The following PCDH9 variants were observed in gnomAD, a reference collection of about 807,000 sequenced individuals.
PCDH9 encodes protocadherin 9.
In PCDH9, 24 loss-of-function variants were observed where a neutral mutation model predicts 70.6. The ratio of observed to expected loss-of-function variants is 0.34; its 90% CI spans 0.25 to 0.48. The LOEUF (loss-of-function observed/expected upper bound fraction) is 0.48, where lower values mean the gene tolerates loss of function less well. Ranked by LOEUF, PCDH9 falls within the 20% of genes least tolerant of loss-of-function variation. The pLI is 0.99. For synonymous variants in PCDH9, 562 were observed against 558.5 expected (o/e 1.01, Z -0.09); for missense variants, 1,281 against 1,503.6 (o/e 0.85, Z 2.45).
At chr13:66,679,253 A>G (rs2078285669) in intron 3 of PCDH9, among the ~76,000 whole-genome samples, 1 of 151,714 alleles carries the variant, frequency 6.6e-6, no homozygotes, top group Non-Finnish European at 1.5e-5. Context: ...TTAATTATTG[A>G]CATTTACAAG....
intron 2 of PCDH9, among the ~76,000 whole-genome samples, chr13:67,065,067 T>C (rs2085620386): frequency 6.6e-6 from 1 of 152,122 alleles, no homozygotes; most frequent in Non-Finnish European, 1.5e-5. Context: ...GGAATTATGG[T>C]GACATTGGAT....
At chr13:66,513,040 A>G (rs1315847105) in intron 4 of PCDH9, among the ~76,000 whole-genome samples, 1 of 152,050 alleles carries the variant, frequency 6.6e-6, no homozygotes, top group African/African-American at 2.4e-5. Context: ...GCTGGTCTCA[A>G]ACTCCAGGGC....
At chr13:66,564,116 G>A (rs552916020) in intron 4 of PCDH9, among the ~76,000 whole-genome samples, 3 of 152,206 alleles carry the variant, frequency 2.0e-5, no homozygotes, top group South Asian at 4.2e-4. Context: ...AAAGCTGGCA[G>A]TCTAAAAGCA....
intron 4 of PCDH9, among the ~76,000 whole-genome samples, chr13:66,562,776 G>T (rs1215057938): frequency 1.3e-5 from 2 of 152,092 alleles, no homozygotes; most frequent in Non-Finnish European, 2.9e-5. Context: ...TGTCTGCCTT[G>T]AGTAAGTGGA....
intron 3 of PCDH9, among the ~76,000 whole-genome samples, chr13:66,730,895 C>G (rs2324965): frequency 0.051 from 3,983 of 78,788 alleles, 152 homozygotes; most frequent in Middle Eastern, 0.12. Flanking sequence ...TTGTTTGTTT[C>G]TTTTTTTTTG....
intron 3 of PCDH9, among the ~76,000 whole-genome samples, chr13:66,673,895 T>C (rs538715845): frequency 1.3e-5 from 2 of 152,320 alleles, no homozygotes; most frequent in East Asian, 3.9e-4. Context: ...TAAATAATTA[T>C]ATGGTTGCAA....
intron 2 of PCDH9, among the ~76,000 whole-genome samples, chr13:67,200,673 ACCT>A (rs2089187469): frequency 6.6e-6 from 1 of 152,022 alleles, no homozygotes; most frequent in Non-Finnish European, 1.5e-5. Flanking sequence ...TCTCCACGTC[ACCT>A]CCTTGTAACT....
intron 4 of PCDH9, among the ~76,000 whole-genome samples, chr13:66,510,294 T>C (rs1394229383): frequency 6.6e-6 from 1 of 151,968 alleles, no homozygotes; most frequent in East Asian, 1.9e-4. Context: ...ATAATTTTGT[T>C]TTTAATTTAT....
intron 3 of PCDH9, among the ~76,000 whole-genome samples, chr13:66,647,566 T>G (rs77868455): frequency 8.5e-5 from 13 of 152,110 alleles, no homozygotes; most frequent in African/African-American, 2.9e-4. Flanking sequence ...GTACTCACCA[T>G]GGCCCTTGGG....
chr13:66,872,936 T>G (rs1405754605), intron 3 of PCDH9, among the ~76,000 whole-genome samples: 1 of 152,152 alleles, frequency 6.6e-6, no homozygotes, highest in Non-Finnish European at 1.5e-5. Context: ...AATATAGAGA[T>G]GGCCCACACC....
At chr13:66,971,355 A>G (rs928339438) in intron 2 of PCDH9, among the ~76,000 whole-genome samples, 3 of 152,068 alleles carry the variant, frequency 2.0e-5, no homozygotes, top group African/African-American at 7.2e-5. Flanking sequence ...AACAAAACCA[A>G]ACACAAACCT....
chr13:67,159,238 G>T (rs983250890), intron 2 of PCDH9, among the ~76,000 whole-genome samples: 1 of 152,134 alleles, frequency 6.6e-6, no homozygotes, highest in African/African-American at 2.4e-5. Context: ...GGGATTGGTG[G>T]GTTCCTGAGA....
At chr13:66,451,476 T>C (rs994436253) in intron 4 of PCDH9, among the ~76,000 whole-genome samples, 1 of 152,194 alleles carries the variant, frequency 6.6e-6, no homozygotes, top group African/African-American at 2.4e-5. Flanking sequence ...TCAATATGCC[T>C]TTCTCTTCTA....
intron 4 of PCDH9, chr13:66,306,210 C>T (rs1383355290): frequency 5.3e-5 from 8 of 151,742 alleles, no homozygotes; most frequent in African/African-American, 1.9e-4. Flanking sequence ...TTAAATCGCT[C>T]AATAATTGGA....
At chr13:66,404,989 T>A (rs550300411) in intron 4 of PCDH9, among the ~76,000 whole-genome samples, 2 of 152,312 alleles carry the variant, frequency 1.3e-5, no homozygotes, top group South Asian at 4.1e-4. Context: ...ACAGTAAAAT[T>A]GTTTTTAAAG....
intron 4 of PCDH9, among the ~76,000 whole-genome samples, chr13:66,533,526 T>C (rs2138638379): frequency 6.6e-6 from 1 of 152,228 alleles, no homozygotes; most frequent in African/African-American, 2.4e-5. Flanking sequence ...AAATCATTGT[T>C]CCCTGGATCC....
At chr13:66,679,087 C>T (rs985566284) in intron 3 of PCDH9, among the ~76,000 whole-genome samples, 4 of 151,762 alleles carry the variant, frequency 2.6e-5, no homozygotes, top group African/African-American at 9.6e-5. Context: ...CCTGTTCAAA[C>T]ATTTTAAATT....
intron 3 of PCDH9, among the ~76,000 whole-genome samples, chr13:66,769,372 T>A (rs2079768226): frequency 6.6e-6 from 1 of 152,154 alleles, no homozygotes. Flanking sequence ...GGTTAAATGC[T>A]TGATGCTTAA....
chr13:66,740,552 G>C lies in PCDH9; in HGVS notation c.3139-109141C>G, dbSNP rs1290956854. 6.8e-5 allele frequency among the ~76,000 whole-genome samples: 10 copies of C among 146,946 alleles called. No homozygotes were observed. The South Asian group carries it at 2.3e-3, about 33-fold the overall frequency. On this transcript the variant is annotated intron_variant, in intron 3 of 4. Coordinates refer to ENST00000377865, the MANE Select transcript of PCDH9 (RefSeq NM_203487.3). ...CTTCAAAAAATTAATGAATCCAGGA[G>C]CTGGTTTTTTGAAAGGATCACCAAA...
Sources: allele counts gnomAD v4.1 joint callset (sites outside exome capture counted in the v4.1 genomes callset), GRCh38; gene constraint gnomAD v4.1.1; transcripts MANE v1.5; gene names NCBI Gene and HGNC (gene_info 2026-07-23, HGNC 2026-07-21).